GPR25: variants seen among roughly 807,000 people sequenced by gnomAD.
GPR25 encodes the protein G protein-coupled receptor 25.
For missense variants in GPR25, 501 were observed against 503.0 expected, an observed-to-expected ratio of 1.00 and a Z score of 0.04; for synonymous variants, 280 against 264.9, an observed-to-expected ratio of 1.06 and a Z score of -0.55.
chr1:200,874,105 T>C lies in GPR25; in HGVS notation c.1068T>C (p.Thr356=). The C allele has an allele frequency of 6.4e-7, 1 of 1,560,570 alleles. No homozygotes were observed. The highest frequency in any genetic ancestry group is 1.2e-5 in the South Asian group (1 of 85,514). The change falls in exon 1 of 1, where the codon ACT becomes ACC. Residue 356 remains threonine (T), a synonymous_variant. Transcript: ENST00000304244. ...GTTGCCGGGCCCAGGCCGCGAACACTGCCTCGGCCTCCTGGTAGCTGCCCC... is the reference window on the plus strand; with the variant it reads ...GTTGCCGGGCCCAGGCCGCGAACACCGCCTCGGCCTCCTGGTAGCTGCCCC... The part of the protein sequence containing the change: ...VFRCRAQAAN[T]ASASW
rs1432432326 is a variant in GPR25 at position 200,873,071 on chromosome 1, G to C, written c.34G>C (p.Gly12Arg). 6.4e-7 allele frequency: 1 copy of C among 1,569,134 alleles called. No homozygotes were observed. Among genetic ancestry groups the C allele is most frequent in the Admixed American group, 1.8e-5 (1 of 54,358 alleles). ...APTEPWSPSPGSAPWDYSGLD... is the reference protein window; with the variant it reads ...APTEPWSPSPRSAPWDYSGLD... ...CACAGAGCCCTGGAGCCCCAGCCCG[G>C]GGTCAGCGCCCTGGGACTACTCGGG... Residue 12 changes from glycine (G) to arginine (R), a missense_variant, in exon 1 of 1, where the codon GGG becomes CGG. Transcript: ENST00000304244.
rs745766590 is a variant in GPR25, at chr1:200,873,548, G to C, written c.511G>C (p.Gly171Arg). 1.6e-5 allele frequency: 25 copies of C among 1,566,422 alleles called. No homozygotes were observed. Among genetic ancestry groups the C allele is most frequent in the Non-Finnish European group, 3.4e-6 (4 of 1,164,120 alleles). Residue 171 changes from glycine (G) to arginine (R), a missense_variant, in exon 1 of 1, where the codon GGC (glycine) becomes CGC (arginine). Gly to Arg is a moderately radical substitution (Grantham distance 125, BLOSUM62 -2). Transcript: ENST00000304244. ...CGVWAVALLA[G>R]LPSLVYRGLQ... ...CGTCTGGGCCGTGGCGCTGCTGGCC[G>C]GCCTGCCCTCCCTGGTCTACCGGGG...
chr1:200,873,107 C>G lies in GPR25; in HGVS notation c.70C>G (p.Leu24Val), dbSNP rs369072528. Reference protein sequence around the residue: ...APWDYSGLDGLEELELCPAGD... With the variant: ...APWDYSGLDGVEELELCPAGD... Reference sequence around the variant, plus strand: ...CTGGGACTACTCGGGGTTGGACGGCCTGGAGGAGCTGGAGCTGTGTCCGGC... The same window carrying G: ...CTGGGACTACTCGGGGTTGGACGGCGTGGAGGAGCTGGAGCTGTGTCCGGC... The change falls in exon 1 of 1, where the codon CTG becomes GTG. Residue 24 changes from leucine to valine, a missense_variant. Leu to Val is a conservative substitution (Grantham distance 32). Transcript: ENST00000304244. 1 of 1,596,112 alleles carries G rather than the reference C, an allele frequency of 6.3e-7. No homozygotes were observed. The highest frequency in any genetic ancestry group is 8.5e-7 in the Non-Finnish European group (1 of 1,175,154).
rs1418156794 is a variant in GPR25 at position 200,874,026 on chromosome 1, C to A, written c.989C>A (p.Ala330Glu). 2.5e-6 allele frequency: 4 copies of A among 1,611,226 alleles called. No homozygotes were observed. Among genetic ancestry groups the A allele is most frequent in the East Asian group, 2.2e-5 (1 of 44,864 alleles). ...DGACGRTGRL[A>E]RRISSASSLS... ...GCCTGCGGGCGCACCGGCCGCCTGGCGCGAAGGATCAGCTCAGCCTCCTCG... is the reference window on the plus strand; with the variant it reads ...GCCTGCGGGCGCACCGGCCGCCTGGAGCGAAGGATCAGCTCAGCCTCCTCG... The change falls in exon 1 of 1, where the codon GCG becomes GAG. Residue 330 changes from alanine (A) to glutamate (E), a missense_variant. Physicochemically the swap from Ala to Glu is moderately radical, Grantham distance 107 (BLOSUM62 -1). Coordinates refer to ENST00000304244, the MANE Select transcript of GPR25 (RefSeq NM_005298.4).
At position 200,873,580 on chromosome 1, in the gene GPR25, G is replaced by A. The variant is rs1427346190; in HGVS notation, c.543G>A (p.Gln181=). ...GLPSLVYRGL[Q]PLPGGQDSQC... The stretch of plus-strand genomic sequence containing the variant: ...CCTCCCTGGTCTACCGGGGGTTGCA[G>A]CCCCTGCCTGGGGGCCAGGACAGCC... Residue 181 remains glutamine (Q), a synonymous_variant, in exon 1 of 1, where the codon CAG becomes CAA. Coordinates refer to ENST00000304244, the MANE Select transcript of GPR25 (RefSeq NM_005298.4). The A allele has an allele frequency of 1.8e-5, 29 of 1,584,870 alleles. No homozygotes were observed. The highest frequency in any genetic ancestry group is 2.3e-5 in the Non-Finnish European group (27 of 1,173,780).
rs1465478362 is a variant in GPR25, at chr1:200,873,015, C to T, written c.-23C>T. 6.7e-7 allele frequency: 1 copy of T among 1,495,826 alleles called. No individual in the cohort carries two copies. Among genetic ancestry groups the T allele is most frequent in the South Asian group, 1.3e-5 (1 of 77,892 alleles). The allele number at this position is 1,495,826 out of a possible 1,614,324, so 92.7% of individuals were successfully genotyped here. On this transcript the variant is annotated 5_prime_UTR_variant, in exon 1 of 1. Transcript: ENST00000304244. ...GCCGCCTGCGCCCAGGGCTGCACTCCGCGCAGGCCTCATAGCCAGGCCATG... is the reference window on the plus strand; with the variant it reads ...GCCGCCTGCGCCCAGGGCTGCACTCTGCGCAGGCCTCATAGCCAGGCCATG...
rs1668011843 is a variant in GPR25, at chr1:200,874,159, C to G, written c.*36C>G. On this transcript the variant is annotated 3_prime_UTR_variant, in exon 1 of 1. Coordinates refer to ENST00000304244, the MANE Select transcript of GPR25 (RefSeq NM_005298.4). ...CCGCTGGAGGTGGGCGGCAGCGGAG[C>G]ATCGAGAGGAGGCCAGAGGTCCCGG... is the stretch of plus-strand genomic sequence containing the variant. The G allele has an allele frequency of 1.3e-6, 2 of 1,488,570 alleles. No individual in the cohort carries two copies. The highest frequency in any genetic ancestry group is 1.8e-6 in the Non-Finnish European group (2 of 1,113,774). 92.2% of individuals were successfully genotyped at this position (1,488,570 alleles called of 1,614,324 possible). A position where few individuals can be genotyped will look rare whatever the true frequency, so the allele number is the denominator to read the frequency against.
In GPR25 at chr1:200,874,011, G is replaced by A; in HGVS notation, c.974G>A (p.Arg325His). 1 of 1,611,660 alleles carries A rather than the reference G, an allele frequency of 6.2e-7. No individual in the cohort carries two copies. Among genetic ancestry groups the A allele is most frequent in the Non-Finnish European group, 8.5e-7 (1 of 1,179,374 alleles). The change falls in exon 1 of 1, where the codon CGC becomes CAC. Residue 325 changes from arginine (R) to histidine (H), a missense_variant. By Grantham distance (29) the Arg-to-His change is conservative. Transcript: ENST00000304244. ...CGGGCGCTGGACGGGGCCTGCGGGC[G>A]CACCGGCCGCCTGGCGCGAAGGATC... ...RARALDGACG[R>H]TGRLARRISS...
Position 200,873,274 on chromosome 1 carries a change from G to A in GPR25, c.237G>A (p.Leu79=). 1 of 1,554,184 alleles carries A rather than the reference G, an allele frequency of 6.4e-7. No individual in the cohort carries two copies. The highest frequency in any genetic ancestry group is 8.7e-7 in the Non-Finnish European group (1 of 1,154,856). Residue 79 remains leucine (L), a synonymous_variant, in exon 1 of 1, where the codon CTG becomes CTA. Coordinates refer to ENST00000304244, the MANE Select transcript of GPR25 (RefSeq NM_005298.4). ...GPRRLVDTFV[L]HLAAADLGFV... is the part of the protein sequence containing the mutation. ...GGCGGCTGGTGGATACCTTCGTGCTGCACCTGGCGGCAGCTGACCTGGGCT... is the reference window on the plus strand; with the variant it reads ...GGCGGCTGGTGGATACCTTCGTGCTACACCTGGCGGCAGCTGACCTGGGCT...
chr1:200,873,784 C>G lies in GPR25; in HGVS notation c.747C>G (p.Ile249Met). 1 of 1,599,584 alleles carries G rather than the reference C, an allele frequency of 6.3e-7. No individual in the cohort carries two copies. The highest frequency in any genetic ancestry group is 8.5e-7 in the Non-Finnish European group (1 of 1,179,336). Residue 249 changes from isoleucine to methionine, a missense_variant, in exon 1 of 1, where the codon ATC becomes ATG. Transcript: ENST00000304244. ...RRNSLRIIFA[I>M]ESTFVGSWLP... is the part of the protein sequence containing the mutation. ...ACTCGCTGCGCATCATCTTCGCCAT[C>G]GAGAGCACGTTTGTGGGCTCCTGGC...
rs1299089565 is a variant in GPR25, at chr1:200,873,983, G to A, written c.946G>A (p.Ala316Thr). ...CCTCCTGCTGGACCGCTCATTCCGAGCCCGGGCGCTGGACGGGGCCTGCGG... is the reference window on the plus strand; with the variant it reads ...CCTCCTGCTGGACCGCTCATTCCGAACCCGGGCGCTGGACGGGGCCTGCGG... Reference protein sequence around the residue: ...IYLLLDRSFRARALDGACGRT... With the variant: ...IYLLLDRSFRTRALDGACGRT... Residue 316 changes from alanine to threonine, a missense_variant, in exon 1 of 1, where the codon GCC (alanine) becomes ACC (threonine). Transcript: ENST00000304244. 6.2e-7 allele frequency: 1 copy of A among 1,612,172 alleles called. No homozygotes were observed. Among genetic ancestry groups the A allele is most frequent in the Non-Finnish European group, 8.5e-7 (1 of 1,179,578 alleles).
chr1:200,873,174 A>G lies in GPR25; in HGVS notation c.137A>G (p.Tyr46Cys), dbSNP rs1296028178. The stretch of plus-strand genomic sequence containing the variant: ...GGCTACGTCTACATCCCCGCGCTCT[A>G]CCTGGCGGCCTTCGCCGTGGGCCTG... ...PYGYVYIPAL[Y>C]LAAFAVGLLG... The change falls in exon 1 of 1, where the codon TAC becomes TGC. Residue 46 changes from tyrosine to cysteine, a missense_variant. By Grantham distance (194) the Tyr-to-Cys change is radical (BLOSUM62 -2). Transcript: ENST00000304244. 1 of 1,606,664 alleles carries G rather than the reference A, an allele frequency of 6.2e-7. No homozygotes were observed. Among genetic ancestry groups the G allele is most frequent in the African/African-American group, 1.3e-5 (1 of 75,006 alleles).
Position 200,873,690 on chromosome 1 carries a change from C to G in GPR25, c.653C>G (p.Thr218Ser). ...LLTFVLPLVVTLFCYCRISRR... is the reference protein window; with the variant it reads ...LLTFVLPLVVSLFCYCRISRR... Reference sequence around the variant, plus strand: ...ACCTTCGTGCTGCCCCTGGTCGTCACCCTCTTCTGCTACTGCCGCATCTCG... The same window carrying G: ...ACCTTCGTGCTGCCCCTGGTCGTCAGCCTCTTCTGCTACTGCCGCATCTCG... The change falls in exon 1 of 1, where the codon ACC becomes AGC. Residue 218 changes from threonine (T) to serine (S), a missense_variant. Physicochemically the swap from Thr to Ser is moderately conservative, Grantham distance 58 (BLOSUM62 1). Coordinates refer to ENST00000304244, the MANE Select transcript of GPR25 (RefSeq NM_005298.4). 1 of 1,598,362 alleles carries G rather than the reference C, an allele frequency of 6.3e-7. No homozygotes were observed. Among genetic ancestry groups the G allele is most frequent in the Non-Finnish European group, 8.5e-7 (1 of 1,179,404 alleles).
Position 200,873,731 on chromosome 1 carries a change from C to G in GPR25, c.694C>G (p.Pro232Ala), listed in dbSNP as rs1055203822. Reference protein sequence around the residue: ...YCRISRRLRRPPHVGRARRNS... With the variant: ...YCRISRRLRRAPHVGRARRNS... ...CCGCATCTCGCGCCGCCTGCGACGG[C>G]CGCCGCACGTGGGTCGGGCCCGGAG... The change falls in exon 1 of 1, where the codon CCG becomes GCG. Residue 232 changes from proline (P) to alanine (A), a missense_variant. Pro to Ala is a conservative substitution (Grantham distance 27). Coordinates refer to ENST00000304244, the MANE Select transcript of GPR25 (RefSeq NM_005298.4). 1.3e-6 allele frequency: 2 copies of G among 1,597,886 alleles called. No individual in the cohort carries two copies. Among genetic ancestry groups the G allele is most frequent in the Admixed American group, 1.7e-5 (1 of 59,934 alleles).
rs752206874 is a variant in GPR25 at position 200,873,066 on chromosome 1, G to C, written c.29G>C (p.Ser10Thr). 2.6e-6 allele frequency: 4 copies of C among 1,564,412 alleles called. No homozygotes were observed. Among genetic ancestry groups the C allele is most frequent in the Non-Finnish European group, 3.5e-6 (4 of 1,159,156 alleles). MAPTEPWSP[S>T]PGSAPWDYSG... ...GCCCCCACAGAGCCCTGGAGCCCCA[G>C]CCCGGGGTCAGCGCCCTGGGACTAC... is the stretch of plus-strand genomic sequence containing the variant. The change falls in exon 1 of 1, where the codon AGC (serine) becomes ACC (threonine). Residue 10 changes from serine (S) to threonine (T), a missense_variant. Ser to Thr is a moderately conservative substitution (Grantham distance 58). Transcript: ENST00000304244.
At position 200,874,011 on chromosome 1, in the gene GPR25, G is replaced by C; in HGVS notation, c.974G>C (p.Arg325Pro). The stretch of plus-strand genomic sequence containing the variant: ...CGGGCGCTGGACGGGGCCTGCGGGC[G>C]CACCGGCCGCCTGGCGCGAAGGATC... ...RARALDGACGRTGRLARRISS... is the reference protein window; with the variant it reads ...RARALDGACGPTGRLARRISS... The change falls in exon 1 of 1, where the codon CGC (arginine) becomes CCC (proline). Residue 325 changes from arginine (R) to proline (P), a missense_variant. Arg to Pro is a moderately radical substitution (Grantham distance 103). Coordinates refer to ENST00000304244, the MANE Select transcript of GPR25 (RefSeq NM_005298.4). 1 of 1,611,660 alleles carries C rather than the reference G, an allele frequency of 6.2e-7. No individual in the cohort carries two copies. The highest frequency in any genetic ancestry group is 1.3e-5 in the African/African-American group (1 of 75,044).
At position 200,873,215 on chromosome 1, in the gene GPR25, G is replaced by T; in HGVS notation, c.178G>T (p.Val60Leu). 1 of 1,604,278 alleles carries T rather than the reference G, an allele frequency of 6.2e-7. No homozygotes were observed. ...CGTGGGCCTGCTGGGCAACGCCTTT[G>T]TGGTGTGGCTGCTGGCCGGGCGGCG... ...FAVGLLGNAF[V>L]VWLLAGRRGP... is the part of the protein sequence containing the mutation. Residue 60 changes from valine to leucine, a missense_variant, in exon 1 of 1, where the codon GTG becomes TTG. Transcript: ENST00000304244.
In GPR25 at chr1:200,873,258, TG is replaced by T; in HGVS notation, c.223del (p.Asp75IlefsTer27). ...LAGRRGPRRL[V>X]DTFVLHLAAA... ...GGGCGGCGGGGCCCGCGGCGGCTGG[TG>T]GATACCTTCGTGCTGCACCTGGCGG... On this transcript the variant is annotated frameshift_variant, in exon 1 of 1. Transcript: ENST00000304244. LOFTEE classifies it low-confidence loss of function (END_TRUNC). 6.4e-7 allele frequency: 1 copy of T among 1,570,096 alleles called. No homozygotes were observed. The highest frequency in any genetic ancestry group is 8.6e-7 in the Non-Finnish European group (1 of 1,162,756).
rs1331370312 is a variant in GPR25, at chr1:200,873,240, G to A, written c.203G>A (p.Arg68Gln). 4.4e-6 allele frequency: 7 copies of A among 1,584,432 alleles called. No individual in the cohort carries two copies. In the African/African-American group the frequency reaches 6.7e-5, roughly 15 times the overall value. ...GTGGTGTGGCTGCTGGCCGGGCGGC[G>A]GGGCCCGCGGCGGCTGGTGGATACC... is the stretch of plus-strand genomic sequence containing the variant. ...AFVVWLLAGR[R>Q]GPRRLVDTFV... The change falls in exon 1 of 1, where the codon CGG (arginine) becomes CAG (glutamine). Residue 68 changes from arginine (R) to glutamine (Q), a missense_variant. Coordinates refer to ENST00000304244, the MANE Select transcript of GPR25 (RefSeq NM_005298.4).
Sources: allele counts gnomAD v4.1 joint callset, GRCh38; gene constraint gnomAD v4.1.1; transcripts MANE v1.5; gene names NCBI Gene and HGNC (gene_info 2026-07-23, HGNC 2026-07-21).